The following HDAC5 variants were observed in gnomAD, a reference collection of about 807,000 sequenced individuals.
The protein encoded by HDAC5 is antigen NY-CO-9.
In HDAC5, 25 loss-of-function variants were observed where a neutral mutation model predicts 133.3. The ratio of observed to expected loss-of-function variants is 0.19; its 90% CI spans 0.14 to 0.26. HDAC5 has a LOEUF of 0.26. Among genes scored for constraint, HDAC5 ranks in the 10% least tolerant of loss-of-function variants. HDAC5 has a pLI of 1.00. For synonymous variants in HDAC5, 589 were observed against 610.8 expected (o/e 0.96, Z 0.53); for missense variants, 1,041 against 1,460.5 (o/e 0.71, Z 4.68).
At position 44,091,280 on chromosome 17, in the gene HDAC5, G is replaced by A; in HGVS notation, c.1377C>T (p.Thr459=). Reference sequence around the variant, plus strand: ...TACCTGTCCACTCACCAGCAATGAGGGTGCTCTGCTGCCGGGCCTGCTCCA... The same window carrying A: ...TACCTGTCCACTCACCAGCAATGAGAGTGCTCTGCTGCCGGGCCTGCTCCA... The part of the protein sequence containing the change: ...LLLEQARQQS[T]LIAVPLHGQS... Residue 459 remains threonine, a synonymous_variant, in exon 11 of 27, where the codon ACC becomes ACT. Coordinates refer to ENST00000682912, the MANE Select transcript of HDAC5 (RefSeq NM_005474.5). 1.2e-6 allele frequency: 2 copies of A among 1,610,598 alleles called. No individual in the cohort carries two copies. Among genetic ancestry groups the A allele is most frequent in the East Asian group, 4.5e-5 (2 of 44,786 alleles).
At chr17:44,080,672 C>T in intron 21 of HDAC5, 91 bp downstream of exon 21, 1 of 1,572,680 alleles carries the variant, frequency 6.4e-7, no homozygotes, top group Non-Finnish European at 8.7e-7. Flanking sequence ...GTACCAACAC[C>T]ACCATGGGCC....
At chr17:44,080,740 G>A (rs559094822) in intron 21 of HDAC5, 23 bp downstream of exon 21, 50 of 1,614,034 alleles carry the variant, frequency 3.1e-5, no homozygotes, top group Non-Finnish European at 4.2e-5. Context: ...AGGAGGGTCT[G>A]CATTTACGCC....
intron 2 of HDAC5, among the ~76,000 whole-genome samples, chr17:44,114,507 G>A (rs145129645): frequency 5.8e-4 from 89 of 152,274 alleles, no homozygotes; most frequent in African/African-American, 2.0e-3. Context: ...TCTGGGAGGC[G>A]CTGGGCAGGC....
At position 44,117,043 on chromosome 17, in the gene HDAC5, C is replaced by A. The variant is rs918398923; in HGVS notation, c.22+451G>T. Among the ~76,000 whole-genome samples, 23 of 152,132 alleles carry A rather than the reference C, an allele frequency of 1.5e-4. No homozygotes were observed. The highest frequency in any genetic ancestry group is 5.1e-4 in the African/African-American group (21 of 41,412). ...GGCCCAGTGCCCTTGTAAACCTCCA[C>A]TAAGAAAAAAGTATGGAACACAAAC... On this transcript the variant is annotated intron_variant, in intron 2 of 26. Transcript: ENST00000682912. The surrounding 1 kb of genome is among the most constrained non-coding windows in gnomAD (Gnocchi z 4.2).
intron 3 of HDAC5, among the ~76,000 whole-genome samples, chr17:44,102,381 C>CA (rs1275555295): frequency 6.6e-6 from 1 of 152,190 alleles, no homozygotes; most frequent in African/African-American, 2.4e-5. Context: ...TTTTTTCTGA[C>CA]AGAGTCTCGC....
In HDAC5 at chr17:44,093,476, CCTG is replaced by C; in HGVS notation, c.361_363del (p.Gln121del). ...TGCTGCTGCTTGGCTGCCAGCATCTCCTGCTGCTGCTGCAGGGGCATGGGAACG... is the reference window on the plus strand; with the variant it reads ...TGCTGCTGCTTGGCTGCCAGCATCTCCTGCTGCTGCAGGGGCATGGGAACG... On this transcript the variant is annotated inframe_deletion, in exon 5 of 27. Transcript: ENST00000682912. 8 of 1,606,568 alleles carry C rather than the reference CCTG, an allele frequency of 5.0e-6. No individual in the cohort carries two copies. Among genetic ancestry groups the C allele is most frequent in the African/African-American group, 1.3e-5 (1 of 74,970 alleles).
intron 3 of HDAC5, among the ~76,000 whole-genome samples, chr17:44,095,769 A>C (rs2051232504): frequency 6.6e-6 from 1 of 152,004 alleles, no homozygotes; most frequent in South Asian, 2.1e-4. Flanking sequence ...GGAGACAGGA[A>C]AGGAAAGGGA....
rs965184985 is a variant in HDAC5 at position 44,117,826 on chromosome 17, C to T, written c.-189-122G>A. On this transcript the variant is annotated intron_variant, in intron 1 of 26. Coordinates refer to ENST00000682912, the MANE Select transcript of HDAC5 (RefSeq NM_005474.5). This position sits in a 1 kb window ranked among gnomAD's most constrained non-coding sequence, Gnocchi z 4.2. ...GATGAGAGGGAGGGATACCTGCCCA[C>T]AGCCACAGGAGAAATCTGCAGAACT... 8.9e-6 allele frequency: 5 copies of T among 560,888 alleles called. No individual in the cohort carries two copies. Among genetic ancestry groups the T allele is most frequent in the African/African-American group, 1.9e-5 (1 of 53,100 alleles). The allele number at this position is 560,888 out of a possible 1,614,324, so 34.7% of individuals were successfully genotyped here.
At chr17:44,107,501 G>A (rs2052035198) in intron 3 of HDAC5, among the ~76,000 whole-genome samples, 2 of 151,674 alleles carry the variant, frequency 1.3e-5, no homozygotes, top group Non-Finnish European at 2.9e-5. Flanking sequence ...CCAGCTACTC[G>A]GGAGGCTGAG....
At chr17:44,094,048 C>T (rs530662093) in intron 3 of HDAC5, among the ~76,000 whole-genome samples, 81 of 152,328 alleles carry the variant, frequency 5.3e-4, no homozygotes, top group African/African-American at 1.9e-3. Flanking sequence ...AGGCTGAGCA[C>T]GGTGGCTCAC....
intron 3 of HDAC5, among the ~76,000 whole-genome samples, chr17:44,095,535 C>T (rs2051214150): frequency 6.6e-6 from 1 of 151,168 alleles, no homozygotes. Context: ...GGGGTGGGAA[C>T]AGGAGGCCTC....
At chr17:44,110,633 C>T (rs760711872) in intron 3 of HDAC5, 96 bp downstream of exon 3, 8 of 963,150 alleles carry the variant, frequency 8.3e-6, no homozygotes, top group Non-Finnish European at 1.3e-5. Context: ...CAGATCTATG[C>T]AGGACCCTAT....
rs766785242 is a variant in HDAC5, at chr17:44,085,082, A to C, written c.2124T>G (p.Ala708=). ...GGGACCAGATGCTCTGGATCCGGCC[A>C]GCATGCTCAGGGTGCACGTGTGTGT... ...CGNTHVHPEH[A]GRIQSIWSRL... Residue 708 remains alanine, a synonymous_variant, in exon 15 of 27, where the codon GCT becomes GCG. Transcript: ENST00000682912. 1.9e-6 allele frequency: 3 copies of C among 1,603,324 alleles called. No individual in the cohort carries two copies. Among genetic ancestry groups the C allele is most frequent in the Non-Finnish European group, 1.7e-6 (2 of 1,171,052 alleles).
chr17:44,123,313 T>C (rs1355058466), intron 1 of HDAC5, 191 bp downstream of exon 1: 2 of 325,122 alleles, frequency 6.2e-6, no homozygotes, highest in Non-Finnish European at 1.1e-5. Flanking sequence ...GCAACCCCGA[T>C]GTCCCGCTCA....
intron 3 of HDAC5, among the ~76,000 whole-genome samples, chr17:44,094,653 T>C (rs954729121): frequency 6.6e-6 from 1 of 151,562 alleles, no homozygotes; most frequent in African/African-American, 2.4e-5. Flanking sequence ...ATAAAGAAAA[T>C]GTGCATAAGC....
chr17:44,109,387 T>C (rs1469407208), intron 3 of HDAC5, among the ~76,000 whole-genome samples: 2 of 152,104 alleles, frequency 1.3e-5, no homozygotes, highest in East Asian at 3.9e-4. Context: ...CCCCCAGGCA[T>C]ACGCCCCTAC....
At chr17:44,114,782 G>A (rs2052555616) in intron 2 of HDAC5, among the ~76,000 whole-genome samples, 1 of 152,212 alleles carries the variant, frequency 6.6e-6, no homozygotes, top group Admixed American at 6.5e-5. Context: ...ACATGCAGAA[G>A]CAAACAGTTC....
At chr17:44,111,081 C>T (rs1162323071) in intron 2 of HDAC5, 3 of 479,944 alleles carry the variant, frequency 6.3e-6, no homozygotes, top group African/African-American at 3.9e-5. Flanking sequence ...GAGGGGCATC[C>T]GACCACCAGC....
intron 3 of HDAC5, among the ~76,000 whole-genome samples, chr17:44,101,081 G>C (rs1407835164): frequency 6.7e-6 from 1 of 149,746 alleles, no homozygotes; most frequent in Admixed American, 6.6e-5. Flanking sequence ...GAGCCACTGC[G>C]CCTGGCCTAA....
Sources: gnomAD v4.1 joint callset for allele counts (sites outside exome capture counted in the v4.1 genomes callset) on GRCh38, gnomAD v4.1.1 for gene constraint, Gnocchi (gnomAD v3.1) non-coding constraint, MANE v1.5 for transcripts, NCBI Gene and HGNC (gene_info 2026-07-23, HGNC 2026-07-21) for gene names.